The following IL1RAPL1 variants were observed in gnomAD, a reference collection of about 807,000 sequenced individuals.
IL1RAPL1 encodes the protein interleukin-1 receptor accessory protein-like 1.
IL1RAPL1 carries 3 observed loss-of-function variants against 48.4 expected under a neutral mutation model. The ratio of observed to expected loss-of-function variants is 0.06; its 90% CI spans 0.03 to 0.16. IL1RAPL1 has a LOEUF of 0.16. Among genes scored for constraint, IL1RAPL1 ranks in the 10% least tolerant of loss-of-function variants. The pLI is 1.00. For synonymous variants in IL1RAPL1, 185 were observed against 187.7 expected (o/e 0.99, Z 0.12); for missense variants, 349 against 530.6 (o/e 0.66, Z 3.36).
rs1461855465 is a variant in IL1RAPL1, at chrX:28,932,756, A to G, written c.82+143331A>G. On this transcript the variant is annotated intron_variant, in intron 2 of 10. Coordinates refer to ENST00000378993, the MANE Select transcript of IL1RAPL1 (RefSeq NM_014271.4). ...TTGTAATGCTAACAGGTAAAGTAGAAAAAAAAAATCACTAAAAAAATGGGG... is the reference window on the plus strand; with the variant it reads ...TTGTAATGCTAACAGGTAAAGTAGAGAAAAAAAATCACTAAAAAAATGGGG... Among the ~76,000 whole-genome samples, 3 of 23,856 alleles carry G rather than the reference A, an allele frequency of 1.3e-4. No individual in the cohort carries two copies. In the African/African-American group the frequency reaches 1.4e-3, roughly 11 times the overall value. The allele number at this position is 23,856 out of a possible 115,157, so 20.7% of individuals were successfully genotyped here.
At chrX:28,886,810 C>T (rs1922642532) in intron 2 of IL1RAPL1, among the ~76,000 whole-genome samples, 1 of 110,245 alleles carries the variant, frequency 9.1e-6, no homozygotes, top group African/African-American at 3.3e-5. Flanking sequence ...TGTTTTAATA[C>T]TTCAGTCTCC....
intron 3 of IL1RAPL1, among the ~76,000 whole-genome samples, chrX:29,316,827 A>G (rs946855154): frequency 8.9e-6 from 1 of 111,973 alleles, no homozygotes; most frequent in Admixed American, 9.5e-5. Context: ...CCCTTGTCTG[A>G]CATGGCCTTA....
intron 5 of IL1RAPL1, among the ~76,000 whole-genome samples, chrX:29,626,817 C>T (rs758946878): frequency 2.1e-4 from 23 of 111,616 alleles, no homozygotes; most frequent in Non-Finnish European, 4.1e-4. Context: ...AATAAGCTCA[C>T]TTTTGCTAAA....
chrX:28,754,043 T>G (rs1936078168), intron 1 of IL1RAPL1, among the ~76,000 whole-genome samples: 1 of 69,789 alleles, frequency 1.4e-5, no homozygotes, highest in Non-Finnish European at 2.6e-5. Flanking sequence ...TTCTTCAGCA[T>G]CATCTTCAGG....
intron 6 of IL1RAPL1, among the ~76,000 whole-genome samples, chrX:29,707,813 T>C (rs902520414): frequency 9.1e-6 from 1 of 110,488 alleles, no homozygotes; most frequent in Non-Finnish European, 1.9e-5. Context: ...AGGAATAAAA[T>C]ACTACACACT....
intron 6 of IL1RAPL1, among the ~76,000 whole-genome samples, chrX:29,880,786 G>A (rs1932011247): frequency 9.0e-6 from 1 of 111,216 alleles, no homozygotes; most frequent in Admixed American, 9.6e-5. Context: ...CCTCTTTGCT[G>A]AAGGAGTTTT....
intron 6 of IL1RAPL1, among the ~76,000 whole-genome samples, chrX:29,725,111 GA>G (rs958903095): frequency 6.4e-5 from 7 of 108,946 alleles, no homozygotes; most frequent in African/African-American, 1.3e-4. Context: ...AAGAAGGGCT[GA>G]AAAAAAAAGT....
At position 28,926,435 on chromosome X, in the gene IL1RAPL1, A is replaced by G. The variant is rs1923744033; in HGVS notation, c.82+137010A>G. ...TATCTAGTATTGTTAAAACAAGAGT[A>G]CTTAGTAAGAATTATTGATATGGCA... On this transcript the variant is annotated intron_variant, in intron 2 of 10. Transcript: ENST00000378993. 2.7e-5 allele frequency among the ~76,000 whole-genome samples: 3 copies of G among 111,201 alleles called. No homozygotes were observed. In the Admixed American group the frequency reaches 2.9e-4, roughly 11 times the overall value.
chrX:29,585,112 A>G (rs1466196932), intron 5 of IL1RAPL1, among the ~76,000 whole-genome samples: 1 of 112,145 alleles, frequency 8.9e-6, no homozygotes, highest in Non-Finnish European at 1.9e-5. Context: ...ACAATACAGT[A>G]TTGTTGACTA....
chrX:29,660,781 G>C (rs9723521), intron 5 of IL1RAPL1, among the ~76,000 whole-genome samples: 16,889 of 111,371 alleles, frequency 0.15, 1,397 homozygotes, highest in African/African-American at 0.32. Flanking sequence ...CTCCAACTTT[G>C]TTCTTTCTGA....
chrX:28,976,315 A>G (rs901896855), intron 2 of IL1RAPL1, among the ~76,000 whole-genome samples: 23 of 111,952 alleles, frequency 2.1e-4, no homozygotes, highest in African/African-American at 7.4e-4. Context: ...GACTTGGTTT[A>G]TGATGGTAGC....
intron 2 of IL1RAPL1, among the ~76,000 whole-genome samples, chrX:28,822,939 C>T: frequency 8.9e-6 from 1 of 111,806 alleles, no homozygotes; most frequent in African/African-American, 3.2e-5. Context: ...TACCAAGCTG[C>T]TGTATCCATG....
intron 1 of IL1RAPL1, among the ~76,000 whole-genome samples, chrX:28,664,287 C>G (rs1244562274): frequency 8.9e-6 from 1 of 112,170 alleles, no homozygotes; most frequent in African/African-American, 3.2e-5. Context: ...AAAAATGTAT[C>G]TTTAAAATTT....
At chrX:29,452,822 T>TATAA (rs1934694786) in intron 5 of IL1RAPL1, among the ~76,000 whole-genome samples, 1 of 110,937 alleles carries the variant, frequency 9.0e-6, no homozygotes, top group Non-Finnish European at 1.9e-5. Flanking sequence ...AAAGAGCAAT[T>TATAA]ATAAATAAAT....
At chrX:29,141,177 A>T (rs1929236776) in intron 2 of IL1RAPL1, among the ~76,000 whole-genome samples, 1 of 110,406 alleles carries the variant, frequency 9.1e-6, no homozygotes, top group African/African-American at 3.3e-5. Flanking sequence ...AATGGTGTTT[A>T]TATTCAGTTT....
At chrX:29,319,116 G>C (rs1932781691) in intron 3 of IL1RAPL1, among the ~76,000 whole-genome samples, 1 of 100,505 alleles carries the variant, frequency 9.9e-6, no homozygotes, top group Non-Finnish European at 2.0e-5. Flanking sequence ...ATATATATTA[G>C]ACACACAGAT....
At chrX:28,715,800 A>C (rs1310831408) in intron 1 of IL1RAPL1, among the ~76,000 whole-genome samples, 1 of 111,534 alleles carries the variant, frequency 9.0e-6, no homozygotes, top group East Asian at 2.8e-4. Flanking sequence ...CAAAAAATTG[A>C]AAAAAGGGGA....
At chrX:29,828,675 T>C (rs1417562750) in intron 6 of IL1RAPL1, among the ~76,000 whole-genome samples, 1 of 112,187 alleles carries the variant, frequency 8.9e-6, no homozygotes, top group Non-Finnish European at 1.9e-5. Flanking sequence ...TTCTATTTTA[T>C]TTCTATGATA....
At chrX:29,199,075 A>G (rs772808937) in intron 2 of IL1RAPL1, among the ~76,000 whole-genome samples, 6 of 111,979 alleles carry the variant, frequency 5.4e-5, no homozygotes, top group Admixed American at 4.8e-4. Flanking sequence ...GAACTTTTAC[A>G]TATTTAGGAT....
Sources: gnomAD v4.1 joint callset for allele counts (sites outside exome capture counted in the v4.1 genomes callset) on GRCh38, gnomAD v4.1.1 for gene constraint, MANE v1.5 for transcripts, NCBI Gene and HGNC (gene_info 2026-07-23, HGNC 2026-07-21) for gene names.